Variants in CNBD1 observed in about 807,000 individuals in gnomAD.
CNBD1 encodes cyclic nucleotide-binding domain-containing protein 1.
In CNBD1, 71 loss-of-function variants were observed where a neutral mutation model predicts 54.4. That is an observed-to-expected ratio of 1.30 (90% CI 1.08 to 1.59). The LOEUF (loss-of-function observed/expected upper bound fraction) is 1.59. Among genes scored for constraint, CNBD1 ranks in the 40% most tolerant of loss-of-function variants. The pLI, the probability that CNBD1 is intolerant of heterozygous loss-of-function variation, is 0.00. For missense variants in CNBD1, 659 were observed against 518.0 expected, an observed-to-expected ratio of 1.27 and a Z score of -2.64; for synonymous variants, 182 against 170.7, an observed-to-expected ratio of 1.07 and a Z score of -0.51.
intron 8 of CNBD1, among the ~76,000 whole-genome samples, chr8:87,310,336 T>C (rs552866135): frequency 6.6e-5 from 10 of 152,078 alleles, no homozygotes; most frequent in African/African-American, 2.4e-4. Flanking sequence ...GCCTGGGTGA[T>C]AGAGTACAAC....
intron 2 of CNBD1, among the ~76,000 whole-genome samples, chr8:87,427,254 A>G (rs1224489848): frequency 1.3e-5 from 2 of 152,056 alleles, no homozygotes; most frequent in Non-Finnish European, 2.9e-5. Context: ...GTTGGCTTGA[A>G]TGTGTTCTAC....
chr8:87,320,422 T>C (rs7016932), intron 8 of CNBD1, among the ~76,000 whole-genome samples: 8,337 of 152,180 alleles, frequency 0.055, 262 homozygotes, highest in African/African-American at 0.063. Context: ...AAAACATTAC[T>C]GAGACTATCT....
chr8:87,066,211 A>G (rs1167257067), intron 4 of CNBD1, among the ~76,000 whole-genome samples: 1 of 152,032 alleles, frequency 6.6e-6, no homozygotes, highest in Non-Finnish European at 1.5e-5. Context: ...TGGAAGGTTT[A>G]TGTGAGACAA....
rs1187165923 is a variant in CNBD1, at chr8:87,166,275, G to C, written c.432-39718G>C. ...ACCACTGTATCAGTAAGTCTTTTCAGGTCCATCTCCAATATATATCTTGGA... is the reference window on the plus strand; with the variant it reads ...ACCACTGTATCAGTAAGTCTTTTCACGTCCATCTCCAATATATATCTTGGA... On this transcript the variant is annotated intron_variant, in intron 4 of 10. Transcript: ENST00000518476. This position sits in a 1 kb window ranked among gnomAD's most constrained non-coding sequence, Gnocchi z 4.3. 7.9e-5 allele frequency among the ~76,000 whole-genome samples: 12 copies of C among 151,732 alleles called. No homozygotes were observed. Among genetic ancestry groups the C allele is most frequent in the Admixed American group, 7.9e-4 (12 of 15,178 alleles).
At chr8:86,894,035 A>ATTTTT (rs869060076) in intron 2 of CNBD1, among the ~76,000 whole-genome samples, 565 of 52,368 alleles carry the variant, frequency 0.011, 165 homozygotes, top group Non-Finnish European at 0.016. Flanking sequence ...TAATAGATTA[A>ATTTTT]TTTTTTTTTT....
At chr8:87,306,147 A>G (rs1322004398) in intron 8 of CNBD1, among the ~76,000 whole-genome samples, 1 of 152,222 alleles carries the variant, frequency 6.6e-6, no homozygotes, top group East Asian at 1.9e-4. Flanking sequence ...CAAACATATG[A>G]AAAGATGCTC....
chr8:87,109,846 GT>G (rs1192824381), intron 4 of CNBD1, among the ~76,000 whole-genome samples: 2 of 152,032 alleles, frequency 1.3e-5, no homozygotes, highest in African/African-American at 2.4e-5. Context: ...CCAAGTCAGA[GT>G]TTTTTGTACA....
intron 4 of CNBD1, among the ~76,000 whole-genome samples, chr8:86,949,721 G>A (rs35782202): frequency 0.28 from 42,174 of 150,882 alleles, 6,023 homozygotes; most frequent in East Asian, 0.39. Flanking sequence ...TTTTTCTTTT[G>A]TGTGATTGCT....
intron 4 of CNBD1, among the ~76,000 whole-genome samples, chr8:87,063,650 G>T (rs147262214): frequency 3.7e-4 from 56 of 152,010 alleles, no homozygotes; most frequent in African/African-American, 1.2e-3. Flanking sequence ...ATTTTGAGGG[G>T]AATATTTGGG....
chr8:86,931,202 G>A (rs1355865888), intron 3 of CNBD1, among the ~76,000 whole-genome samples: 1 of 152,132 alleles, frequency 6.6e-6, no homozygotes, highest in African/African-American at 2.4e-5. Context: ...GGACCTTGAG[G>A]ACAAGGTCCA....
chr8:86,967,797 T>C (rs1362904293), intron 4 of CNBD1, among the ~76,000 whole-genome samples: 1 of 151,034 alleles, frequency 6.6e-6, no homozygotes, highest in African/African-American at 2.5e-5. Flanking sequence ...CCGTTGCTTG[T>C]TCAGTTTTTT....
intron 4 of CNBD1, among the ~76,000 whole-genome samples, chr8:87,019,313 C>CT (rs1227197630): frequency 1.3e-5 from 2 of 152,240 alleles, no homozygotes; most frequent in African/African-American, 4.8e-5. Context: ...AATTAATTGG[C>CT]TATAAGTCTT....
chr8:87,231,863 C>T (rs1807447253), intron 5 of CNBD1, among the ~76,000 whole-genome samples: 1 of 151,878 alleles, frequency 6.6e-6, no homozygotes, highest in South Asian at 2.1e-4. Context: ...AGATCCTTAG[C>T]AAGATACAGA....
chr8:87,271,750 G>C (rs9886602), intron 6 of CNBD1, among the ~76,000 whole-genome samples: 1 of 151,710 alleles, frequency 6.6e-6, no homozygotes, highest in Non-Finnish European at 1.5e-5. Context: ...CAATTCTACT[G>C]TTGGGTATTT....
At chr8:87,245,878 T>C (rs1218394206) in intron 6 of CNBD1, among the ~76,000 whole-genome samples, 1 of 152,040 alleles carries the variant, frequency 6.6e-6, no homozygotes, top group Non-Finnish European at 1.5e-5. Flanking sequence ...TTTTTTTCTT[T>C]ATTGATGTTT....
intron 4 of CNBD1, among the ~76,000 whole-genome samples, chr8:87,063,076 G>A (rs1476420929): frequency 6.6e-6 from 1 of 152,058 alleles, no homozygotes; most frequent in African/African-American, 2.4e-5. Context: ...CTGGTAAATT[G>A]GCCAACTACT....
intron 6 of CNBD1, among the ~76,000 whole-genome samples, chr8:87,279,188 A>G (rs975368221): frequency 1.3e-5 from 2 of 151,508 alleles, no homozygotes; most frequent in African/African-American, 2.4e-5. Flanking sequence ...TCTTCCATGC[A>G]TAATGAGGGA....
chr8:87,043,754 C>T (rs755044378), intron 4 of CNBD1, among the ~76,000 whole-genome samples: 6 of 152,184 alleles, frequency 3.9e-5, no homozygotes, highest in Non-Finnish European at 7.4e-5. Context: ...TCTGCCAGTC[C>T]CCGGTTAATG....
intron 6 of CNBD1, among the ~76,000 whole-genome samples, chr8:87,254,043 G>T (rs896122566): frequency 1.3e-5 from 2 of 152,202 alleles, no homozygotes; most frequent in Non-Finnish European, 2.9e-5. Context: ...TATGTTCATG[G>T]AGTAATGTCT....
Sources: allele counts gnomAD v4.1 joint callset (sites outside exome capture counted in the v4.1 genomes callset), GRCh38; gene constraint gnomAD v4.1.1; non-coding constraint Gnocchi (gnomAD v3.1); transcripts MANE v1.5; gene names NCBI Gene and HGNC (gene_info 2026-07-23, HGNC 2026-07-21).